The following KAZN variants were observed in gnomAD, a reference collection of about 807,000 sequenced individuals.
KAZN encodes the protein kazrin, periplakin interacting protein, also known as kazrin.
Under a neutral mutation model 87.4 loss-of-function variants are expected in KAZN, and 40 were observed. That is an observed-to-expected ratio of 0.46 (90% confidence interval 0.36 to 0.60). The LOEUF (loss-of-function observed/expected upper bound fraction) is 0.60. Among genes scored for constraint, KAZN ranks in the 20% least tolerant of loss-of-function variants. The probability of loss-of-function intolerance (pLI) is 0.00; values close to 1 mark genes in which losing one functional copy is unlikely to be tolerated. For synonymous variants in KAZN, 466 were observed against 458.3 expected (o/e 1.02, Z -0.22); for missense variants, 898 against 1,073.9 (o/e 0.84, Z 2.29).
intron 1 of KAZN, among the ~76,000 whole-genome samples, chr1:14,058,009 A>T (rs1045972262): frequency 1.3e-5 from 2 of 152,216 alleles, no homozygotes; most frequent in African/African-American, 4.8e-5. Flanking sequence ...GAACTTCTCC[A>T]TTGATAATGT....
intron 2 of KAZN, among the ~76,000 whole-genome samples, chr1:14,524,252 C>A (rs1415934980): frequency 6.6e-6 from 1 of 152,088 alleles, no homozygotes; most frequent in Non-Finnish European, 1.5e-5. Flanking sequence ...AAACTCCTGA[C>A]CTCAAGTGGT....
chr1:14,187,899 T>C (rs1646341729), intron 2 of KAZN, among the ~76,000 whole-genome samples: 1 of 152,206 alleles, frequency 6.6e-6, no homozygotes, highest in Admixed American at 6.5e-5. Context: ...ATCTTCGTTA[T>C]CCATTCACTC....
chr1:13,915,945 T>G (rs1220854724), intron 1 of KAZN, among the ~76,000 whole-genome samples: 1 of 151,544 alleles, frequency 6.6e-6, no homozygotes, highest in East Asian at 1.9e-4. Flanking sequence ...ATAGGAGAGG[T>G]GAAGATCCAG....
At chr1:14,926,306 G>A (rs935512843) in intron 1 of KAZN, among the ~76,000 whole-genome samples, 1 of 152,206 alleles carries the variant, frequency 6.6e-6, no homozygotes, top group South Asian at 2.1e-4. Flanking sequence ...GGTGGAGATA[G>A]GGCTGTTTAC....
intron 2 of KAZN, among the ~76,000 whole-genome samples, chr1:15,033,393 T>G (rs1671932870): frequency 6.6e-6 from 1 of 152,244 alleles, no homozygotes; most frequent in South Asian, 2.1e-4. Flanking sequence ...CATATAAGTT[T>G]TTGTGTAGAC....
chr1:14,826,436 G>A (rs1448076519), intron 1 of KAZN, among the ~76,000 whole-genome samples: 3 of 152,212 alleles, frequency 2.0e-5, no homozygotes, highest in South Asian at 2.1e-4. Context: ...ACTCAAGCCT[G>A]AGCCACCCTC....
intron 2 of KAZN, among the ~76,000 whole-genome samples, chr1:14,196,288 C>A (rs114456945): frequency 1.3e-5 from 2 of 152,056 alleles, no homozygotes; most frequent in African/African-American, 2.4e-5. Context: ...GGATTTCAAA[C>A]AAAGGAATGA....
chr1:14,824,099 G>A (rs1484688842), intron 1 of KAZN, among the ~76,000 whole-genome samples: 1 of 137,438 alleles, frequency 7.3e-6, no homozygotes, highest in Non-Finnish European at 1.6e-5. Flanking sequence ...GGGCAACAGA[G>A]CAAGACTCCA....
At chr1:14,414,280 CCCA>C (rs1664558999) in intron 2 of KAZN, among the ~76,000 whole-genome samples, 1 of 151,390 alleles carries the variant, frequency 6.6e-6, no homozygotes, top group Non-Finnish European at 1.5e-5. Context: ...GGAAAAGACT[CCCA>C]CGAGTTCCCA....
chr1:15,033,462 A>G (rs1671940333), intron 2 of KAZN, among the ~76,000 whole-genome samples: 1 of 152,180 alleles, frequency 6.6e-6, no homozygotes, highest in Admixed American at 6.5e-5. Flanking sequence ...GTCGTATGGT[A>G]AGTTGATGCT....
chr1:14,506,853 C>A (rs75520776), intron 2 of KAZN, among the ~76,000 whole-genome samples: 3,110 of 152,258 alleles, frequency 0.02, 102 homozygotes, highest in African/African-American at 0.07. Context: ...GGAAAAGATA[C>A]GGTGGCTACC....
At chr1:13,956,318 T>TC (rs1641547845) in intron 1 of KAZN, among the ~76,000 whole-genome samples, 2 of 149,420 alleles carry the variant, frequency 1.3e-5, no homozygotes, top group Non-Finnish European at 2.9e-5. Flanking sequence ...TTCTTTTTTT[T>TC]TTTTTGATCA....
In KAZN at chr1:14,943,070, G is replaced by GT. The variant is rs61100647; in HGVS notation, c.227-17599dup. On this transcript the variant is annotated intron_variant, in intron 1 of 14. Transcript: ENST00000376030. Reference sequence around the variant, plus strand: ...TGTGTGTTGGGGAGGAGAGCCTTGGGTTTTTTTTTTTTTTTAATTTACATT... The same window carrying GT: ...TGTGTGTTGGGGAGGAGAGCCTTGGGTTTTTTTTTTTTTTTTAATTTACATT... 5.9e-3 allele frequency among the ~76,000 whole-genome samples: 698 copies of GT among 119,104 alleles called. 10 individuals carry two copies. The highest frequency in any genetic ancestry group is 8.9e-3 in the Non-Finnish European group (538 of 60,414). 78.1% of individuals were successfully genotyped at this position (119,104 alleles called of 152,430 possible).
At chr1:14,828,425 A>C (rs1646960926) in intron 1 of KAZN, among the ~76,000 whole-genome samples, 6 of 152,200 alleles carry the variant, frequency 3.9e-5, no homozygotes, top group Admixed American at 3.9e-4. Flanking sequence ...ATTATCGATC[A>C]ATTGGATGAA....
chr1:14,765,147 G>A (rs1337849782), intron 1 of KAZN, among the ~76,000 whole-genome samples: 1 of 152,192 alleles, frequency 6.6e-6, no homozygotes, highest in African/African-American at 2.4e-5. Context: ...GGGCTGTCCT[G>A]TGCATGGTAG....
rs60093215 is a variant in KAZN, at chr1:14,454,065, A to G, written c.250-144918A>G. Among the ~76,000 whole-genome samples the G allele has an allele frequency of 1.2e-3, 176 of 152,308 alleles. 1 individual carries two copies. Among genetic ancestry groups the G allele is most frequent in the African/African-American group, 4.1e-3 (170 of 41,568 alleles). On this transcript the variant is annotated intron_variant, in intron 2 of 16. Transcript: ENST00000636203. ...ATGAGCCTTTTCTTTCAACTGGACA[A>G]TAGGGTGGTATAAACCAATATAGGA...
At chr1:14,455,022 T>C (rs958306458) in intron 2 of KAZN, among the ~76,000 whole-genome samples, 11 of 151,586 alleles carry the variant, frequency 7.3e-5, no homozygotes, top group Admixed American at 4.0e-4. Flanking sequence ...GGCTTCTCCA[T>C]AGAGCTGCTC....
chr1:14,058,238 C>A (rs896817336), intron 1 of KAZN, among the ~76,000 whole-genome samples: 1 of 152,194 alleles, frequency 6.6e-6, no homozygotes, highest in African/African-American at 2.4e-5. Flanking sequence ...CAGACCCCTT[C>A]TCTTCTTCCT....
At chr1:14,755,221 C>G (rs1316046345) in intron 1 of KAZN, among the ~76,000 whole-genome samples, 2 of 152,110 alleles carry the variant, frequency 1.3e-5, no homozygotes, top group Admixed American at 1.3e-4. Context: ...CAACTGCACT[C>G]CAGCCCAGGC....
Sources: gnomAD v4.1 joint callset for allele counts (sites outside exome capture counted in the v4.1 genomes callset) on GRCh38, gnomAD v4.1.1 for gene constraint, MANE v1.5 for transcripts, NCBI Gene and HGNC (gene_info 2026-07-23, HGNC 2026-07-21) for gene names.